Variants in CNTNAP2 observed in about 807,000 individuals in gnomAD.
CNTNAP2 encodes contactin-associated protein-like 2.
Under a neutral mutation model 155.2 loss-of-function variants are expected in CNTNAP2, and 98 were observed. The ratio of observed to expected loss-of-function variants is 0.63; its 90% CI spans 0.54 to 0.75. The LOEUF (loss-of-function observed/expected upper bound fraction) is 0.75. Among genes scored for constraint, CNTNAP2 ranks in the 30% least tolerant of loss-of-function variants. The pLI is 0.00. For synonymous variants in CNTNAP2, 651 were observed against 631.2 expected (o/e 1.03, Z -0.47); for missense variants, 1,727 against 1,688.1 (o/e 1.02, Z -0.40).
intron 8 of CNTNAP2, among the ~76,000 whole-genome samples, chr7:147,136,025 A>G (rs994719998): frequency 6.0e-5 from 9 of 150,514 alleles, no homozygotes; most frequent in Admixed American, 4.0e-4. Flanking sequence ...TTTGAATTAT[A>G]GCAAAAAAAA....
chr7:146,561,824 A>G (rs1020966114), intron 1 of CNTNAP2, among the ~76,000 whole-genome samples: 1 of 152,100 alleles, frequency 6.6e-6, no homozygotes, highest in Admixed American at 6.6e-5. Flanking sequence ...GTTTCTGGCT[A>G]TGTTGCCCAG....
chr7:148,043,412 G>A (rs111373516), intron 15 of CNTNAP2, among the ~76,000 whole-genome samples: 2,285 of 152,232 alleles, frequency 0.015, 23 homozygotes, highest in Admixed American at 0.02. Flanking sequence ...ATTTTCCTTT[G>A]TGTCTTTAAT....
intron 1 of CNTNAP2, among the ~76,000 whole-genome samples, chr7:146,244,485 C>T (rs1799613747): frequency 6.6e-6 from 1 of 152,118 alleles, no homozygotes; most frequent in Admixed American, 6.5e-5. Flanking sequence ...ATGGCCTGTA[C>T]CTTGTAGCAT....
chr7:148,014,090 A>C (rs1023087801), intron 15 of CNTNAP2: 4 of 152,114 alleles, frequency 2.6e-5, no homozygotes, highest in African/African-American at 4.8e-5. Context: ...AAGATATTGG[A>C]GTCCTCATTT....
intron 11 of CNTNAP2, among the ~76,000 whole-genome samples, chr7:147,515,050 G>T (rs851839): frequency 6.6e-6 from 1 of 151,900 alleles, no homozygotes; most frequent in Admixed American, 6.6e-5. Context: ...CCCCTTGTTT[G>T]CTCACTCAGT....
At chr7:146,941,545 G>T (rs1055922871) in intron 3 of CNTNAP2, among the ~76,000 whole-genome samples, 1 of 152,102 alleles carries the variant, frequency 6.6e-6, no homozygotes, top group African/African-American at 2.4e-5. Flanking sequence ...ATAGTATGAA[G>T]ATAGTCTGAA....
At chr7:146,940,439 T>C (rs1029224630) in intron 3 of CNTNAP2, among the ~76,000 whole-genome samples, 2 of 151,994 alleles carry the variant, frequency 1.3e-5, no homozygotes, top group African/African-American at 2.4e-5. Context: ...GTGATCTGCC[T>C]GCCTCAGCCT....
intron 18 of CNTNAP2, 65 bp from the exon 19 acceptor site, chr7:148,217,223 G>C: frequency 6.5e-7 from 1 of 1,530,526 alleles, no homozygotes; most frequent in Non-Finnish European, 9.0e-7. Context: ...TGCTGGAGAG[G>C]TCATTGTAGG....
intron 9 of CNTNAP2, among the ~76,000 whole-genome samples, chr7:147,387,023 C>T (rs1281147872): frequency 2.6e-5 from 4 of 152,042 alleles, no homozygotes; most frequent in Non-Finnish European, 5.9e-5. Flanking sequence ...CAGGGAAACT[C>T]CCATTTTTAA....
chr7:146,166,841 A>G (rs1017065236), intron 1 of CNTNAP2, among the ~76,000 whole-genome samples: 19 of 152,224 alleles, frequency 1.2e-4, no homozygotes, highest in Admixed American at 2.6e-4. Flanking sequence ...ATAATGCTTG[A>G]GCACCCAAGG....
intron 1 of CNTNAP2, among the ~76,000 whole-genome samples, chr7:146,342,776 T>C (rs1416429506): frequency 6.6e-6 from 1 of 152,230 alleles, no homozygotes; most frequent in Non-Finnish European, 1.5e-5. Context: ...ATTCTTATGC[T>C]AGTACCACAA....
intron 2 of CNTNAP2, among the ~76,000 whole-genome samples, chr7:146,804,017 A>G (rs891016596): frequency 6.6e-6 from 1 of 152,134 alleles, no homozygotes; most frequent in Admixed American, 6.5e-5. Flanking sequence ...TAAAAATTCT[A>G]CCTTTGGACT....
intron 3 of CNTNAP2, among the ~76,000 whole-genome samples, chr7:147,013,637 G>A (rs1004794327): frequency 9.2e-5 from 14 of 151,964 alleles, no homozygotes; most frequent in African/African-American, 2.9e-4. Flanking sequence ...TACTTCATCC[G>A]TGTCCGTCTA....
chr7:146,933,119 C>T (rs940469357), intron 3 of CNTNAP2, among the ~76,000 whole-genome samples: 61 of 151,996 alleles, frequency 4.0e-4, no homozygotes, highest in Non-Finnish European at 2.1e-4. Context: ...AAAAAGAGCC[C>T]GCATCGCCAA....
intron 3 of CNTNAP2, among the ~76,000 whole-genome samples, chr7:146,930,901 A>T (rs28896596): frequency 1.1e-3 from 173 of 152,298 alleles, no homozygotes; most frequent in African/African-American, 3.2e-3. Flanking sequence ...CTAAATATAT[A>T]TGCACCCAAT....
chr7:147,309,963 C>A (rs2692173), intron 9 of CNTNAP2, among the ~76,000 whole-genome samples: 3 of 151,722 alleles, frequency 2.0e-5, no homozygotes, highest in East Asian at 1.9e-4. Flanking sequence ...AACTTTCAGG[C>A]TTTTTTTATT....
intron 3 of CNTNAP2, among the ~76,000 whole-genome samples, chr7:146,910,488 A>C (rs895722458): frequency 6.6e-6 from 1 of 150,654 alleles, no homozygotes; most frequent in Non-Finnish European, 1.5e-5. Flanking sequence ...CAGAGCCCTC[A>C]GAAATAACGC....
chr7:146,664,242 A>G (rs1030036092), intron 1 of CNTNAP2, among the ~76,000 whole-genome samples: 1 of 139,866 alleles, frequency 7.1e-6, no homozygotes, highest in African/African-American at 2.7e-5. Flanking sequence ...GGTCACTGCA[A>G]CCTCCGCCTC....
chr7:147,810,801 C>T (rs764816704), intron 13 of CNTNAP2, among the ~76,000 whole-genome samples: 9 of 152,150 alleles, frequency 5.9e-5, no homozygotes, highest in Non-Finnish European at 1.3e-4. Flanking sequence ...AACAACAACA[C>T]GACTGGTTGA....
Sources: allele counts gnomAD v4.1 joint callset (sites outside exome capture counted in the v4.1 genomes callset), GRCh38; gene constraint gnomAD v4.1.1; transcripts MANE v1.5; gene names NCBI Gene and HGNC (gene_info 2026-07-23, HGNC 2026-07-21).